SNX31: variants seen among roughly 807,000 people sequenced by gnomAD.
The protein encoded by SNX31 is sorting nexin-31.
SNX31 carries 58 observed loss-of-function variants against 65.4 expected under a neutral mutation model. That is an observed-to-expected ratio of 0.89 (90% CI 0.72 to 1.10). The LOEUF is 1.10. Ranked by LOEUF, SNX31 falls within the 50% of genes least tolerant of loss-of-function variation. The pLI is 0.00. For synonymous variants in SNX31, 181 were observed against 190.1 expected (o/e 0.95, Z 0.39); for missense variants, 523 against 529.7 (o/e 0.99, Z 0.12).
At chr8:100,583,317 G>A (rs1242397497) in intron 12 of SNX31, among the ~76,000 whole-genome samples, 3 of 151,880 alleles carry the variant, frequency 2.0e-5, no homozygotes, top group Non-Finnish European at 2.9e-5. Flanking sequence ...TGTTGGCCAG[G>A]CTGGTCTCAA....
chr8:100,605,806 C>T (rs546567594), intron 8 of SNX31, among the ~76,000 whole-genome samples: 3 of 152,174 alleles, frequency 2.0e-5, no homozygotes, highest in Non-Finnish European at 2.9e-5. Flanking sequence ...TTATGATGCT[C>T]GAAGCTCTGA....
chr8:100,642,710 T>C (rs149507724), intron 2 of SNX31, among the ~76,000 whole-genome samples: 49 of 152,340 alleles, frequency 3.2e-4, no homozygotes, highest in Middle Eastern at 6.8e-3. Context: ...ACAGTTGAGC[T>C]ATCAAAACCA....
chr8:100,589,079 T>A, intron 10 of SNX31, 100 bp from the exon 11 acceptor site: 1 of 794,232 alleles, frequency 1.3e-6, no homozygotes, highest in Non-Finnish European at 2.0e-6. Flanking sequence ...GGCGGGCAGA[T>A]CGCCTGAGGT....
chr8:100,661,935 G>A (rs560048237), intron 1 of SNX31, among the ~76,000 whole-genome samples: 17 of 151,922 alleles, frequency 1.1e-4, no homozygotes, highest in South Asian at 1.0e-3. Context: ...AACAATTCTC[G>A]TGCCTCAGCC....
At position 100,639,511 on chromosome 8, in the gene SNX31, G is replaced by A. The variant is rs192624173; in HGVS notation, c.142-3500C>T. 3.8e-3 allele frequency among the ~76,000 whole-genome samples: 570 copies of A among 151,740 alleles called. 2 individuals carry two copies. Among genetic ancestry groups the A allele is most frequent in the African/African-American group, 0.013 (548 of 41,340 alleles). ...ATGAATGGCAGATAGTGGGAGTCAG[G>A]TTTCCAACTGTTGTAGTGGCAGTTT... is the stretch of plus-strand genomic sequence containing the variant. On this transcript the variant is annotated intron_variant, in intron 2 of 13. Coordinates refer to ENST00000311812, the MANE Select transcript of SNX31 (RefSeq NM_152628.4).
At chr8:100,662,991 C>T (rs181191762) in intron 1 of SNX31, among the ~76,000 whole-genome samples, 5 of 152,192 alleles carry the variant, frequency 3.3e-5, no homozygotes, top group Admixed American at 6.5e-5. Context: ...AGCTGGAAGC[C>T]GTTATCCTAA....
intron 2 of SNX31, among the ~76,000 whole-genome samples, chr8:100,637,579 G>C (rs2131227733): frequency 6.6e-6 from 1 of 152,300 alleles, no homozygotes; most frequent in East Asian, 1.9e-4. Flanking sequence ...CCTGGTCCAA[G>C]TCACTATCAT....
chr8:100,597,522 C>T (rs1815226824), intron 9 of SNX31, among the ~76,000 whole-genome samples: 1 of 152,158 alleles, frequency 6.6e-6, no homozygotes, highest in African/African-American at 2.4e-5. Flanking sequence ...GGATTACAGA[C>T]GTGAGCCACT....
At chr8:100,595,982 G>A (rs948994094) in intron 10 of SNX31, among the ~76,000 whole-genome samples, 1 of 152,192 alleles carries the variant, frequency 6.6e-6, no homozygotes, top group African/African-American at 2.4e-5. Context: ...TGACAGTATC[G>A]AATGCCACAG....
chr8:100,641,948 A>G (rs12549908), intron 2 of SNX31, among the ~76,000 whole-genome samples: 70,422 of 150,720 alleles, frequency 0.47, 16,605 homozygotes, highest in South Asian at 0.53. Context: ...GCTTGGTGGC[A>G]GGTGCCTGTA....
intron 1 of SNX31, among the ~76,000 whole-genome samples, chr8:100,655,578 T>C (rs2131313347): frequency 6.6e-6 from 1 of 152,386 alleles, no homozygotes; most frequent in Middle Eastern, 3.4e-3. Context: ...TTTCAGCTTC[T>C]GCATTCTGCC....
chr8:100,589,075 C>T, intron 10 of SNX31, 96 bp from the exon 11 acceptor site: 1 of 859,990 alleles, frequency 1.2e-6, no homozygotes. Flanking sequence ...CTGAGGCGGG[C>T]AGATCGCCTG....
intron 1 of SNX31, among the ~76,000 whole-genome samples, chr8:100,655,241 T>C (rs1408443245): frequency 6.8e-6 from 1 of 146,806 alleles, no homozygotes; most frequent in African/African-American, 2.4e-5. Flanking sequence ...AGGTGATGTT[T>C]GAGAGAGATT....
At chr8:100,601,047 T>C (rs1202827564) in intron 8 of SNX31, among the ~76,000 whole-genome samples, 1 of 152,308 alleles carries the variant, frequency 6.6e-6, no homozygotes, top group East Asian at 1.9e-4. Flanking sequence ...ATAAGTATAT[T>C]TGAATCATAA....
intron 2 of SNX31, among the ~76,000 whole-genome samples, chr8:100,646,674 T>C (rs1269935475): frequency 1.3e-5 from 2 of 150,990 alleles, no homozygotes; most frequent in Non-Finnish European, 3.0e-5. Flanking sequence ...ACTTTTAGAG[T>C]GAGGCAAAAA....
chr8:100,632,971 A>G (rs1032975380), intron 3 of SNX31, among the ~76,000 whole-genome samples: 1 of 152,074 alleles, frequency 6.6e-6, no homozygotes. Flanking sequence ...GTTGCCCAGC[A>G]TGGAGTGCAG....
chr8:100,585,580 G>T (rs910631230), intron 11 of SNX31, among the ~76,000 whole-genome samples: 1 of 151,804 alleles, frequency 6.6e-6, no homozygotes, highest in Non-Finnish European at 1.5e-5. Context: ...AAAGAGGGAA[G>T]AGAGAAAAAA....
At chr8:100,633,222 C>A (rs1396379046) in intron 3 of SNX31, among the ~76,000 whole-genome samples, 1 of 151,934 alleles carries the variant, frequency 6.6e-6, no homozygotes, top group East Asian at 1.9e-4. Context: ...AGCTACCATG[C>A]CGAGCCTAAT....
At position 100,630,106 on chromosome 8, in the gene SNX31, C is replaced by T. The variant is rs989987789; in HGVS notation, c.321+221G>A. Among the ~76,000 whole-genome samples, 2 of 152,156 alleles carry T rather than the reference C, an allele frequency of 1.3e-5. No individual in the cohort carries two copies. Among genetic ancestry groups the T allele is most frequent in the Non-Finnish European group, 2.9e-5 (2 of 68,042 alleles). On this transcript the variant is annotated intron_variant, in intron 4 of 13. Transcript: ENST00000311812. The surrounding 1 kb of genome is among the most constrained non-coding windows in gnomAD (Gnocchi z 5.3). ...AAGGGATCTACTTAATAAAATGAGC[C>T]AAAGGTCAAGTGACACACTTCATTT... is the stretch of plus-strand genomic sequence containing the variant.
Sources: allele counts gnomAD v4.1 joint callset (sites outside exome capture counted in the v4.1 genomes callset), GRCh38; gene constraint gnomAD v4.1.1; non-coding constraint Gnocchi (gnomAD v3.1); transcripts MANE v1.5; gene names NCBI Gene and HGNC (gene_info 2026-07-23, HGNC 2026-07-21).